GGTA1: variants seen among roughly 807,000 people sequenced by gnomAD.
GGTA1 encodes the protein inactive N-acetyllactosaminide alpha-1,3-galactosyltransferase.
Under a neutral mutation model 2.6 loss-of-function variants are expected in GGTA1, and 5 were observed. The ratio of observed to expected loss-of-function variants is 1.92; its 90% CI spans 1.00 to 4.04. The LOEUF (loss-of-function observed/expected upper bound fraction) is 4.04, where lower values mean the gene tolerates loss of function less well. GGTA1 is among the 30% of genes most tolerant of loss of function. The pLI is 0.00. For synonymous variants in GGTA1, 17 were observed against 5.0 expected, an observed-to-expected ratio of 3.38 and a Z score of -3.19; for missense variants, 50 against 16.7, an observed-to-expected ratio of 2.99 and a Z score of -3.47.
downstream of GGTA1, among the ~76,000 whole-genome samples, chr9:121,454,543 G>T (rs2064895644): frequency 6.6e-6 from 1 of 152,132 alleles, no homozygotes; most frequent in Non-Finnish European, 1.5e-5. Context: ...CTTGCCTGAG[G>T]TTGCACAGCT....
downstream of GGTA1, among the ~76,000 whole-genome samples, chr9:121,450,053 G>A (rs185334474): frequency 5.3e-4 from 80 of 152,260 alleles, no homozygotes; most frequent in African/African-American, 1.9e-3. Context: ...GCCAATCATG[G>A]TGTTTTGTGA....
chr9:121,484,157 C>T (rs779375181), intron 1 of GGTA1, among the ~76,000 whole-genome samples: 1 of 152,042 alleles, frequency 6.6e-6, no homozygotes, highest in Non-Finnish European at 1.5e-5. Context: ...GCAGTATATC[C>T]ATGTAACAAA....
intron 1 of GGTA1, among the ~76,000 whole-genome samples, chr9:121,485,613 TC>T (rs1466133688): frequency 6.6e-6 from 1 of 152,176 alleles, no homozygotes; most frequent in East Asian, 1.9e-4. Flanking sequence ...AACCTGGGAC[TC>T]AGGCCGGGCT....
At chr9:121,498,771 C>A (rs1215462793) in intron 1 of GGTA1, among the ~76,000 whole-genome samples, 1 of 152,190 alleles carries the variant, frequency 6.6e-6, no homozygotes, top group Admixed American at 6.5e-5. Flanking sequence ...GGAGGAGCGG[C>A]TCTCACACCC....
chr9:121,495,623 A>G (rs967575896), intron 1 of GGTA1, among the ~76,000 whole-genome samples: 1 of 152,136 alleles, frequency 6.6e-6, no homozygotes, highest in African/African-American at 2.4e-5. Context: ...TAGCTTGCCT[A>G]CCCTCCACTC....
intron 1 of GGTA1, among the ~76,000 whole-genome samples, chr9:121,475,045 A>G (rs1029643611): frequency 7.2e-5 from 11 of 152,210 alleles, no homozygotes; most frequent in African/African-American, 2.7e-4. Flanking sequence ...AATAAGGCTG[A>G]GACCCACTGG....
intron 5 of GGTA1, among the ~76,000 whole-genome samples, chr9:121,458,056 C>T (rs1347015425): frequency 6.6e-6 from 1 of 151,424 alleles, no homozygotes; most frequent in African/African-American, 2.4e-5. Flanking sequence ...ATTACAGGCA[C>T]CCACAACCAC....
intron 1 of GGTA1, among the ~76,000 whole-genome samples, chr9:121,481,723 A>G (rs1474713738): frequency 7.2e-6 from 1 of 138,908 alleles, no homozygotes; most frequent in Non-Finnish European, 1.5e-5. Context: ...GTGGCCAGGC[A>G]CGGTGGCTCA....
chr9:121,478,945 C>T (rs944754824), intron 1 of GGTA1: 1 of 421,614 alleles, frequency 2.4e-6, no homozygotes, highest in East Asian at 7.0e-5. Context: ...CACCCTGAGC[C>T]CCAAGACTTG....
chr9:121,468,338 AG>A (rs1175574095), intron 1 of GGTA1, among the ~76,000 whole-genome samples: 1 of 152,192 alleles, frequency 6.6e-6, no homozygotes, highest in Non-Finnish European at 1.5e-5. Flanking sequence ...GTCCCAGCAA[AG>A]GACATGAACT....
intron 1 of GGTA1, chr9:121,479,112 G>T: frequency 2.2e-6 from 1 of 456,576 alleles, no homozygotes; most frequent in Non-Finnish European, 4.4e-6. Context: ...CACTGCTGGA[G>T]AGACAAGGAC....
chr9:121,490,303 C>G (rs983014370), intron 1 of GGTA1, among the ~76,000 whole-genome samples: 1 of 152,186 alleles, frequency 6.6e-6, no homozygotes, highest in African/African-American at 2.4e-5. Flanking sequence ...CTAAAGTGCT[C>G]AATGTCAGGC....
intron 2 of GGTA1, among the ~76,000 whole-genome samples, chr9:121,466,969 A>G (rs2065009226): frequency 6.6e-6 from 1 of 151,928 alleles, no homozygotes; most frequent in Admixed American, 6.6e-5. Context: ...AAAAAAAAAA[A>G]AAGAATCAAA....
intron 1 of GGTA1, among the ~76,000 whole-genome samples, chr9:121,482,066 G>A (rs1001677905): frequency 1.3e-5 from 2 of 152,062 alleles, no homozygotes; most frequent in Non-Finnish European, 2.9e-5. Context: ...GCTCTCCTGG[G>A]CACTGTCTTT....
intron 1 of GGTA1, among the ~76,000 whole-genome samples, chr9:121,491,539 AG>A (rs1302986206): frequency 6.6e-6 from 1 of 151,878 alleles, no homozygotes; most frequent in Non-Finnish European, 1.5e-5. Flanking sequence ...CTCCCTGGCC[AG>A]GATCAGGCCC....
At chr9:121,473,965 G>GAGGC in intron 1 of GGTA1, among the ~76,000 whole-genome samples, 1 of 143,486 alleles carries the variant, frequency 7.0e-6, no homozygotes, top group African/African-American at 2.5e-5. Flanking sequence ...GAGAGGGAGG[G>GAGGC]AGGGAGGGAG....
Position 121,496,757 on chromosome 9 carries a change from A to AAAAAAAAAAAAAAAAGAG in GGTA1, c.-10+2892_-10+2893insCTCTTTTTTTTTTTTTTT, listed in dbSNP as rs1554838784. 2.9e-3 allele frequency among the ~76,000 whole-genome samples: 321 copies of AAAAAAAAAAAAAAAAGAG among 111,714 alleles called. 18 individuals carry two copies. The highest frequency in any genetic ancestry group is 4.5e-3 in the Non-Finnish European group (219 of 48,144). 73.3% of individuals were successfully genotyped at this position (111,714 alleles called of 152,430 possible). Reference sequence around the variant, plus strand: ...AAAAAAAAAAAAAAAAAAAAAAAAAAAGAGAGAGAGAATCGCTTGAATGAA... The same window carrying AAAAAAAAAAAAAAAAGAG: ...AAAAAAAAAAAAAAAAAAAAAAAAAAAAAAAAAAAAAAAAAGAGAGAGAGAGAGAATCGCTTGAATGAA... On this transcript the variant is annotated intron_variant, in intron 1 of 5. Coordinates refer to ENST00000481799, the MANE Select transcript of GGTA1 (RefSeq NM_001382585.1).
chr9:121,485,970 C>A (rs1399186036), intron 1 of GGTA1, among the ~76,000 whole-genome samples: 2 of 152,168 alleles, frequency 1.3e-5, no homozygotes, highest in East Asian at 1.9e-4. Context: ...GTGATTCCTG[C>A]GCACACCATG....
At chr9:121,483,319 AC>A (rs1195117743) in intron 1 of GGTA1, among the ~76,000 whole-genome samples, 2 of 152,156 alleles carry the variant, frequency 1.3e-5, no homozygotes, top group Non-Finnish European at 2.9e-5. Flanking sequence ...TCCAGGGAAC[AC>A]TACTGATCAG....
Sources: allele counts gnomAD v4.1 joint callset (sites outside exome capture counted in the v4.1 genomes callset), GRCh38; gene constraint gnomAD v4.1.1; transcripts MANE v1.5; gene names NCBI Gene and HGNC (gene_info 2026-07-23, HGNC 2026-07-21).